Variants in ZBTB7B observed in about 807,000 individuals in gnomAD.
The protein encoded by ZBTB7B is zinc finger and BTB domain containing 7B.
In ZBTB7B, 8 loss-of-function variants were observed where a neutral mutation model predicts 31.0. The observed-to-expected ratio is 0.26, with a 90% CI of 0.15 to 0.47. ZBTB7B has a LOEUF of 0.47. Among genes scored for constraint, ZBTB7B ranks in the 20% least tolerant of loss-of-function variants. The pLI is 0.99. For synonymous variants in ZBTB7B, 261 were observed against 307.3 expected, an observed-to-expected ratio of 0.85 and a Z score of 1.58; for missense variants, 494 against 742.4, an observed-to-expected ratio of 0.67 and a Z score of 3.89.
chr1:155,006,789 C>G (rs1019902994), intron 1 of ZBTB7B, among the ~76,000 whole-genome samples: 1 of 152,150 alleles, frequency 6.6e-6, no homozygotes, highest in African/African-American at 2.4e-5. Flanking sequence ...ATCCTCTCCT[C>G]CTTCCTTCCT....
rs1220090160 is a variant in ZBTB7B at position 155,016,556 on chromosome 1, T to C, written c.1491T>C (p.Ser497=). 6.2e-7 allele frequency: 1 copy of C among 1,614,026 alleles called. No homozygotes were observed. Among genetic ancestry groups the C allele is most frequent in the Admixed American group, 1.7e-5 (1 of 60,006 alleles). ...GCCACCTGGACACCTTCCGCCTCTC[T>C]CTAGCTCGATTCTGGGAGCAGTCAG... ...SNGHLDTFRL[S]LARFWEQSAP... Residue 497 remains serine, a synonymous_variant, in exon 3 of 3, where the codon TCT becomes TCC. Coordinates refer to ENST00000535420, the MANE Select transcript of ZBTB7B (RefSeq NM_001256455.2). This position sits in a 1 kb window ranked among gnomAD's most constrained non-coding sequence, Gnocchi z 4.3.
chr1:155,016,837 C>T lies in ZBTB7B; in HGVS notation c.*152C>T. On this transcript the variant is annotated 3_prime_UTR_variant, in exon 3 of 3. Coordinates refer to ENST00000535420, the MANE Select transcript of ZBTB7B (RefSeq NM_001256455.2). This position sits in a 1 kb window ranked among gnomAD's most constrained non-coding sequence, Gnocchi z 4.3. The stretch of plus-strand genomic sequence containing the variant: ...TCCTCCCAGAGCCCTCATTCCAATT[C>T]CAAGCTAAGAAGGTATTGGGGCAGA... 1 of 592,444 alleles carries T rather than the reference C, an allele frequency of 1.7e-6. No individual in the cohort carries two copies. The highest frequency in any genetic ancestry group is 2.3e-5 in the South Asian group (1 of 43,600). The allele number at this position is 592,444 out of a possible 1,614,324, so 36.7% of individuals were successfully genotyped here.
intron 2 of ZBTB7B, 58 bp downstream of exon 2, chr1:155,015,872 G>GGA: frequency 6.4e-7 from 1 of 1,561,998 alleles, no homozygotes; most frequent in Admixed American, 1.8e-5. Context: ...CAGGGTGGGA[G>GGA]GAGATGGGGA....
rs1202416126 is a variant in ZBTB7B at position 155,004,055 on chromosome 1, G to A, written c.-7+1112G>A. Among the ~76,000 whole-genome samples the A allele has an allele frequency of 6.6e-6, 1 of 152,196 alleles. No homozygotes were observed. ...GGCGGCTGAGACATGGTGAGACCTC[G>A]GGGCGCCCTGGGGGGCAGGGGGGCG... On this transcript the variant is annotated intron_variant, in intron 1 of 2. Transcript: ENST00000535420. This position sits in a 1 kb window ranked among gnomAD's most constrained non-coding sequence, Gnocchi z 4.0.
At chr1:155,010,013 A>G (rs1026469193) in intron 1 of ZBTB7B, among the ~76,000 whole-genome samples, 2 of 152,052 alleles carry the variant, frequency 1.3e-5, no homozygotes, top group Non-Finnish European at 2.9e-5. Flanking sequence ...AGGGAAGACA[A>G]GGGTCGGAGG....
At chr1:155,008,674 CTGAG>C (rs1490367794) in intron 1 of ZBTB7B, among the ~76,000 whole-genome samples, 2 of 152,174 alleles carry the variant, frequency 1.3e-5, no homozygotes, top group African/African-American at 2.4e-5. Flanking sequence ...TCTTTTAGGA[CTGAG>C]TAAGGACAGG....
Position 155,003,267 on chromosome 1 carries a change from C to A in ZBTB7B, c.-7+324C>A, listed in dbSNP as rs146799175. ...GGTGAGGCGACGCTGAGCGTTCCCC[C>A]AGTCTCCTTCGTGACTTTAGGGGGA... On this transcript the variant is annotated intron_variant, in intron 1 of 2. Coordinates refer to ENST00000535420, the MANE Select transcript of ZBTB7B (RefSeq NM_001256455.2). The surrounding 1 kb of genome is among the most constrained non-coding windows in gnomAD (Gnocchi z 5.8). Among the ~76,000 whole-genome samples, 1 of 152,230 alleles carries A rather than the reference C, an allele frequency of 6.6e-6. No individual in the cohort carries two copies. Among genetic ancestry groups the A allele is most frequent in the Non-Finnish European group, 1.5e-5 (1 of 68,036 alleles).
At chr1:155,011,554 G>A (rs939041616) in intron 1 of ZBTB7B, among the ~76,000 whole-genome samples, 38 of 152,346 alleles carry the variant, frequency 2.5e-4, no homozygotes, top group African/African-American at 8.4e-4. Flanking sequence ...GGAGCCTGGG[G>A]GGGTGGCGGG....
intron 1 of ZBTB7B, among the ~76,000 whole-genome samples, chr1:155,007,014 AC>A (rs1658597705): frequency 6.6e-6 from 1 of 152,252 alleles, no homozygotes; most frequent in African/African-American, 2.4e-5. Flanking sequence ...ATTGTGGTGC[AC>A]ACTGGGAGTT....
Position 155,003,098 on chromosome 1 carries a change from C to A in ZBTB7B, c.-7+155C>A, listed in dbSNP as rs541263130. On this transcript the variant is annotated intron_variant, in intron 1 of 2. Coordinates refer to ENST00000535420, the MANE Select transcript of ZBTB7B (RefSeq NM_001256455.2). This position sits in a 1 kb window ranked among gnomAD's most constrained non-coding sequence, Gnocchi z 5.8. Reference sequence around the variant, plus strand: ...CCTTCCCTGTGCTTTCCCAACACCCCGGGTCTCTGGAATTGGTTTTAACTG... The same window carrying A: ...CCTTCCCTGTGCTTTCCCAACACCCAGGGTCTCTGGAATTGGTTTTAACTG... Among the ~76,000 whole-genome samples the A allele has an allele frequency of 1.3e-5, 2 of 152,192 alleles. No individual in the cohort carries two copies. The highest frequency in any genetic ancestry group is 2.9e-5 in the Non-Finnish European group (2 of 68,032).
upstream of ZBTB7B, among the ~76,000 whole-genome samples, chr1:155,002,334 G>A (rs141270835): frequency 1.9e-4 from 28 of 150,274 alleles, no homozygotes; most frequent in East Asian, 2.4e-3. Flanking sequence ...CAGGAGAAAG[G>A]GGGGGGAGAG....
chr1:155,008,879 C>G (rs1437589653), intron 1 of ZBTB7B, among the ~76,000 whole-genome samples: 1 of 151,634 alleles, frequency 6.6e-6, no homozygotes, highest in African/African-American at 2.4e-5. Context: ...GGAGCTGGAG[C>G]GGGGAACAGC....
chr1:155,015,983 G>A lies in ZBTB7B; in HGVS notation c.1154+169G>A, dbSNP rs113057136. ...GAGCAGAAGAAAACAAGCCAGCAGG[G>A]GGTGGATCTGGAGCATGGAGGATTC... On this transcript the variant is annotated intron_variant, in intron 2 of 2. Transcript: ENST00000535420. Among the ~76,000 whole-genome samples, 43 of 152,168 alleles carry A rather than the reference G, an allele frequency of 2.8e-4. No individual in the cohort carries two copies. The highest frequency in any genetic ancestry group is 4.4e-4 in the Non-Finnish European group (30 of 68,004).
intron 1 of ZBTB7B, among the ~76,000 whole-genome samples, chr1:155,011,207 C>T (rs1346774872): frequency 6.6e-6 from 1 of 152,272 alleles, no homozygotes; most frequent in East Asian, 1.9e-4. Flanking sequence ...CTATCCCTGC[C>T]CTTCGGCTGG....
chr1:155,013,211 A>G (rs1659121690), intron 1 of ZBTB7B, among the ~76,000 whole-genome samples: 1 of 152,142 alleles, frequency 6.6e-6, no homozygotes, highest in Non-Finnish European at 1.5e-5. Flanking sequence ...GAATTATCCT[A>G]TGTTACAGAT....
In ZBTB7B at chr1:155,015,348, C is replaced by A; in HGVS notation, c.688C>A (p.Pro230Thr). Residue 230 changes from proline (P) to threonine (T), a missense_variant, in exon 2 of 3, where the codon CCC becomes ACC. Physicochemically the swap from Pro to Thr is conservative, Grantham distance 38. Around this residue, in one of 5 missense-constraint regions of ZBTB7B, gnomAD observed 216 missense variants for 229.3 expected, o/e 0.94. Transcript: ENST00000535420. ...TGAGGTGCCCACAGTGCCCGCCCATCCCTTGACCTATGAGGAGGAGGAGGT... is the reference window on the plus strand; with the variant it reads ...TGAGGTGCCCACAGTGCCCGCCCATACCTTGACCTATGAGGAGGAGGAGGT... ...VPEVPTVPAH[P>T]LTYEEEEVAG... The A allele has an allele frequency of 1.3e-6, 2 of 1,588,466 alleles. No individual in the cohort carries two copies. Among genetic ancestry groups the A allele is most frequent in the Admixed American group, 1.7e-5 (1 of 58,424 alleles).
At position 155,004,521 on chromosome 1, in the gene ZBTB7B, C is replaced by G. The variant is rs1313475315; in HGVS notation, c.-7+1578C>G. 6.6e-6 allele frequency among the ~76,000 whole-genome samples: 1 copy of G among 152,082 alleles called. No homozygotes were observed. Among genetic ancestry groups the G allele is most frequent in the Non-Finnish European group, 1.5e-5 (1 of 67,986 alleles). On this transcript the variant is annotated intron_variant, in intron 1 of 2. Transcript: ENST00000535420. The surrounding 1 kb of genome is among the most constrained non-coding windows in gnomAD (Gnocchi z 4.0). ...CCAACTGGTTTGGTCACCCCTGTACCCGCCTGGCACTGCTGGGAGAGCTGG... is the reference window on the plus strand; with the variant it reads ...CCAACTGGTTTGGTCACCCCTGTACGCGCCTGGCACTGCTGGGAGAGCTGG...
chr1:155,008,070 G>A (rs969552287), intron 1 of ZBTB7B, among the ~76,000 whole-genome samples: 1 of 152,146 alleles, frequency 6.6e-6, no homozygotes, highest in Non-Finnish European at 1.5e-5. Flanking sequence ...ACCGGCCAGG[G>A]TGGCAGCAGC....
At position 155,017,416 on chromosome 1, in the gene ZBTB7B, T is replaced by G. The variant is rs947315239; in HGVS notation, c.*731T>G. ...TTCCACTCCCCTCCCTAGCCCTCCC[T>G]CCCCACGGCCCTGGGCAGGGAATGT... On this transcript the variant is annotated 3_prime_UTR_variant, in exon 3 of 3. Transcript: ENST00000535420. 6.8e-6 allele frequency: 1 copy of G among 147,872 alleles called. No homozygotes were observed. The highest frequency in any genetic ancestry group is 1.5e-5 in the Non-Finnish European group (1 of 65,834). 9.2% of individuals were successfully genotyped at this position (147,872 alleles called of 1,614,324 possible).
Sources: gnomAD v4.1 joint callset for allele counts (sites outside exome capture counted in the v4.1 genomes callset) on GRCh38, gnomAD v4.1.1 for gene constraint, gnomAD v4.1.1 regional missense constraint, Gnocchi (gnomAD v3.1) non-coding constraint, MANE v1.5 for transcripts, NCBI Gene and HGNC (gene_info 2026-07-23, HGNC 2026-07-21) for gene names.